Variants in NRXN3 observed in about 807,000 individuals in gnomAD.
The protein encoded by NRXN3 is neurexin 3, also known as neurexin III.
NRXN3 carries 32 observed loss-of-function variants against 137.6 expected under a neutral mutation model. That is an observed-to-expected ratio of 0.23 (90% CI 0.18 to 0.31). NRXN3 has a LOEUF of 0.31. Ranked by LOEUF, NRXN3 falls within the 10% of genes least tolerant of loss-of-function variation. The pLI is 1.00. For synonymous variants in NRXN3, 798 were observed against 784.5 expected (o/e 1.02, Z -0.29); for missense variants, 1,574 against 2,062.5 (o/e 0.76, Z 4.59).
rs560344039 is a variant in NRXN3, at chr14:79,171,352, A to G, written c.3262+183211A>G. 7.9e-5 allele frequency among the ~76,000 whole-genome samples: 12 copies of G among 152,290 alleles called. No individual in the cohort carries two copies. In the South Asian group the frequency reaches 8.3e-4, roughly 11 times the overall value. On this transcript the variant is annotated intron_variant, in intron 15 of 20. Coordinates refer to ENST00000335750, the MANE Select transcript of NRXN3 (RefSeq NM_001330195.2). ...GGGAATTAGATTTTGTCATAAAGTC[A>G]TAAGAGTTGTGTTATAAGAGTACGT...
At position 79,741,108 on chromosome 14, in the gene NRXN3, G is replaced by A. The variant is rs529623086; in HGVS notation, c.4014+43171G>A. On this transcript the variant is annotated intron_variant, in intron 19 of 20. Transcript: ENST00000335750. ...CACTTTGTTGGATGATTTAATTGAC[G>A]TATCTTCTTAAAAAATAAAAATATC... is the stretch of plus-strand genomic sequence containing the variant. Among the ~76,000 whole-genome samples the A allele has an allele frequency of 5.5e-4, 83 of 151,954 alleles. 1 individual carries two copies. Among genetic ancestry groups the A allele is most frequent in the Non-Finnish European group, 9.4e-4 (64 of 67,960 alleles).
chr14:79,754,760 C>T (rs2154093781), intron 19 of NRXN3, among the ~76,000 whole-genome samples: 1 of 151,778 alleles, frequency 6.6e-6, no homozygotes, highest in Non-Finnish European at 1.5e-5. Context: ...GAATTGTAAT[C>T]CCTGTTTGTT....
chr14:78,371,771 G>T (rs2086876613), intron 4 of NRXN3, among the ~76,000 whole-genome samples: 1 of 152,226 alleles, frequency 6.6e-6, no homozygotes, highest in Non-Finnish European at 1.5e-5. Context: ...AAGAGCCAGT[G>T]CACTCCAGTT....
chr14:79,300,039 A>G (rs564915905), intron 15 of NRXN3, among the ~76,000 whole-genome samples: 2 of 152,196 alleles, frequency 1.3e-5, no homozygotes, highest in East Asian at 1.9e-4. Flanking sequence ...CCTAGTAACT[A>G]TAATGAGGTG....
intron 4 of NRXN3, among the ~76,000 whole-genome samples, chr14:78,521,792 TA>T (rs927040110): frequency 4.6e-5 from 7 of 151,870 alleles, no homozygotes; most frequent in African/African-American, 9.7e-5. Flanking sequence ...TGATGAAATT[TA>T]AAAAAAACCC....
intron 4 of NRXN3, among the ~76,000 whole-genome samples, chr14:78,325,114 C>A (rs4903750): frequency 0.38 from 58,022 of 151,676 alleles, 12,397 homozygotes; most frequent in African/African-American, 0.56. Flanking sequence ...GGACAATCTG[C>A]AAACATTAAA....
At chr14:79,539,431 T>C (rs867318962) in intron 16 of NRXN3, among the ~76,000 whole-genome samples, 2 of 152,176 alleles carry the variant, frequency 1.3e-5, no homozygotes, top group Non-Finnish European at 2.9e-5. Context: ...AGCAAGAAGG[T>C]ATCGAACAGA....
At chr14:78,853,439 A>G (rs1488731544) in intron 10 of NRXN3, among the ~76,000 whole-genome samples, 2 of 152,132 alleles carry the variant, frequency 1.3e-5, no homozygotes, top group Non-Finnish European at 2.9e-5. Flanking sequence ...ATAGCTAAAT[A>G]TGTGTTATGG....
chr14:79,212,502 A>G (rs947250861), intron 15 of NRXN3, among the ~76,000 whole-genome samples: 6 of 152,246 alleles, frequency 3.9e-5, no homozygotes, highest in East Asian at 1.9e-4. Flanking sequence ...AAAAATCCCA[A>G]CCACTGCCTT....
intron 4 of NRXN3, among the ~76,000 whole-genome samples, chr14:78,482,992 C>G (rs1192366684): frequency 2.0e-5 from 3 of 152,114 alleles, no homozygotes; most frequent in Non-Finnish European, 4.4e-5. Flanking sequence ...TGTCTCCATC[C>G]CCAGCATCTG....
chr14:79,856,255 A>G (rs770501816), intron 20 of NRXN3, among the ~76,000 whole-genome samples: 3 of 152,092 alleles, frequency 2.0e-5, no homozygotes, highest in African/African-American at 4.8e-5. Flanking sequence ...TTTGTCCATG[A>G]CTATTTTTTC....
chr14:78,178,557 C>T (rs572779703), intron 1 of NRXN3, among the ~76,000 whole-genome samples: 134 of 152,308 alleles, frequency 8.8e-4, no homozygotes, highest in African/African-American at 2.9e-3. Context: ...CTCTGCTTTG[C>T]TGTGTCGCCC....
intron 15 of NRXN3, among the ~76,000 whole-genome samples, chr14:79,283,987 C>T (rs2081738346): frequency 6.6e-6 from 1 of 151,820 alleles, no homozygotes; most frequent in Non-Finnish European, 1.5e-5. Context: ...TTTACATTAT[C>T]CTGTTATTTA....
At chr14:78,394,754 C>T (rs913140061) in intron 4 of NRXN3, among the ~76,000 whole-genome samples, 3 of 151,768 alleles carry the variant, frequency 2.0e-5, no homozygotes, top group Admixed American at 2.0e-4. Flanking sequence ...AGTTATGTAG[C>T]TATTCAAATG....
At chr14:79,415,715 G>T (rs372453305) in intron 15 of NRXN3, among the ~76,000 whole-genome samples, 1 of 151,952 alleles carries the variant, frequency 6.6e-6, no homozygotes, top group Non-Finnish European at 1.5e-5. Flanking sequence ...TGTAACAATC[G>T]CCATGTTTAA....
chr14:79,336,699 A>G (rs962859244), intron 15 of NRXN3, among the ~76,000 whole-genome samples: 4 of 152,218 alleles, frequency 2.6e-5, no homozygotes, highest in Admixed American at 6.6e-5. Flanking sequence ...GGTGCTGCAT[A>G]CATTGGAAGC....
intron 16 of NRXN3, among the ~76,000 whole-genome samples, chr14:79,627,923 C>T (rs757465303): frequency 3.3e-5 from 5 of 151,954 alleles, no homozygotes; most frequent in African/African-American, 9.7e-5. Flanking sequence ...AGTCTTAACA[C>T]GGCATTTTAA....
At chr14:79,818,757 C>T (rs1225251228) in intron 20 of NRXN3, among the ~76,000 whole-genome samples, 1 of 152,046 alleles carries the variant, frequency 6.6e-6, no homozygotes, top group Non-Finnish European at 1.5e-5. Flanking sequence ...GTTTCCTATG[C>T]AAGAAAAGAA....
At chr14:78,183,591 A>G (rs2059993449) in intron 1 of NRXN3, among the ~76,000 whole-genome samples, 1 of 152,250 alleles carries the variant, frequency 6.6e-6, no homozygotes, top group Non-Finnish European at 1.5e-5. Context: ...CATTTCTTTC[A>G]TATCCATTCC....
Sources: gnomAD v4.1 joint callset for allele counts (sites outside exome capture counted in the v4.1 genomes callset) on GRCh38, gnomAD v4.1.1 for gene constraint, MANE v1.5 for transcripts, NCBI Gene and HGNC (gene_info 2026-07-23, HGNC 2026-07-21) for gene names.